AK4: variants seen among roughly 807,000 people sequenced by gnomAD.
AK4 encodes the protein adenylate kinase 4, mitochondrial.
A neutral mutation model predicts 24.6 loss-of-function variants in AK4; 13 were observed. The ratio of observed to expected loss-of-function variants is 0.53; its 90% CI spans 0.34 to 0.84. The LOEUF is 0.84. AK4 is among the 40% of genes least tolerant of loss of function. The probability of loss-of-function intolerance (pLI) is 0.01; values close to 1 mark genes in which losing one functional copy is unlikely to be tolerated. For synonymous variants in AK4, 88 were observed against 107.0 expected, an observed-to-expected ratio of 0.82 and a Z score of 1.10; for missense variants, 192 against 288.2, an observed-to-expected ratio of 0.67 and a Z score of 2.42.
chr1:65,186,415 C>T (rs1275645693), intron 1 of AK4, among the ~76,000 whole-genome samples: 3 of 152,196 alleles, frequency 2.0e-5, no homozygotes, highest in Non-Finnish European at 2.9e-5. Flanking sequence ...AGGCACGAAC[C>T]ATCAGCCTGG....
chr1:65,187,081 C>T (rs1260169685), intron 1 of AK4, among the ~76,000 whole-genome samples: 6 of 152,134 alleles, frequency 3.9e-5, no homozygotes, highest in Middle Eastern at 3.4e-3. Context: ...CCAGGGAGGC[C>T]GGGCGCGGTG....
intron 1 of AK4, 138 bp from the exon 2 acceptor site, chr1:65,190,572 A>G (rs1018895623): frequency 2.0e-6 from 2 of 976,788 alleles, no homozygotes; most frequent in Admixed American, 6.0e-5. Flanking sequence ...TATTTTAAAA[A>G]CTTAAAACAT....
At chr1:65,184,596 G>T in intron 1 of AK4, among the ~76,000 whole-genome samples, 1 of 152,190 alleles carries the variant, frequency 6.6e-6, no homozygotes, top group East Asian at 1.9e-4. Flanking sequence ...ATGTATGTGT[G>T]TCCACAGCCT....
Position 65,230,695 on chromosome 1 carries a change from C to T in AK4, c.*4518C>T, listed in dbSNP as rs1393369944. The T allele has an allele frequency of 6.6e-6, 1 of 152,114 alleles. No individual in the cohort carries two copies. Among genetic ancestry groups the T allele is most frequent in the Non-Finnish European group, 1.5e-5 (1 of 68,042 alleles). The allele number at this position is 152,114 out of a possible 1,614,324, so 9.4% of individuals were successfully genotyped here. On this transcript the variant is annotated 3_prime_UTR_variant, in exon 5 of 5. Transcript: ENST00000327299. ...TAATACCTTTCCCTAGTTTGAGCTC[C>T]CTGTTCTCTTTAACAGATAAAACAA...
chr1:65,230,255 G>A lies in AK4; in HGVS notation c.*4078G>A, dbSNP rs1652600892. The A allele has an allele frequency of 1.3e-5, 2 of 152,162 alleles. No individual in the cohort carries two copies. Among genetic ancestry groups the A allele is most frequent in the African/African-American group, 2.4e-5 (1 of 41,414 alleles). The allele number at this position is 152,162 out of a possible 1,614,324, so 9.4% of individuals were successfully genotyped here. On this transcript the variant is annotated 3_prime_UTR_variant, in exon 5 of 5. Coordinates refer to ENST00000327299, the MANE Select transcript of AK4 (RefSeq NM_013410.4). ...GGTAAGAATAGCCATCAGTGAGGAAGGATTCTTGGAGCGAGGAGCCACTGT... is the reference window on the plus strand; with the variant it reads ...GGTAAGAATAGCCATCAGTGAGGAAAGATTCTTGGAGCGAGGAGCCACTGT...
At chr1:65,151,581 C>T (rs142553013) in intron 1 of AK4, among the ~76,000 whole-genome samples, 1 of 152,264 alleles carries the variant, frequency 6.6e-6, no homozygotes, top group Non-Finnish European at 1.5e-5. Flanking sequence ...TACCATTGTA[C>T]AATTTCCACT....
intron 2 of AK4, among the ~76,000 whole-genome samples, chr1:65,207,499 A>G (rs1281868524): frequency 2.0e-5 from 3 of 150,354 alleles, no homozygotes; most frequent in Non-Finnish European, 4.4e-5. Context: ...GGGCTCACAG[A>G]GTGGTAGGAG....
chr1:65,225,505 G>C (rs1339399247), intron 4 of AK4, among the ~76,000 whole-genome samples: 3 of 152,088 alleles, frequency 2.0e-5, no homozygotes, highest in African/African-American at 7.2e-5. Context: ...TGTGTGTGAG[G>C]GGGAATCTCA....
chr1:65,197,165 A>C (rs1651497813), intron 2 of AK4, among the ~76,000 whole-genome samples: 2 of 152,220 alleles, frequency 1.3e-5, no homozygotes, highest in Non-Finnish European at 2.9e-5. Flanking sequence ...AAACCACATC[A>C]GGCCAGCAGT....
At chr1:65,193,091 A>G (rs990987443) in intron 2 of AK4, among the ~76,000 whole-genome samples, 12 of 152,210 alleles carry the variant, frequency 7.9e-5, no homozygotes, top group Admixed American at 3.3e-4. Flanking sequence ...TTGACCCTAC[A>G]GTTCCACTGG....
intron 2 of AK4, among the ~76,000 whole-genome samples, chr1:65,217,866 C>A (rs998786292): frequency 2.6e-5 from 4 of 152,118 alleles, no homozygotes; most frequent in African/African-American, 7.2e-5. Context: ...AAAACAATTT[C>A]AAATTTTTTC....
intron 1 of AK4, among the ~76,000 whole-genome samples, chr1:65,185,662 C>T (rs1159634039): frequency 7.1e-6 from 1 of 140,436 alleles, no homozygotes; most frequent in Non-Finnish European, 1.5e-5. Context: ...CTTGCTCTGT[C>T]ACCTAGGCTG....
chr1:65,164,030 G>A (rs563917694), intron 1 of AK4, among the ~76,000 whole-genome samples: 2 of 152,260 alleles, frequency 1.3e-5, no homozygotes, highest in South Asian at 2.1e-4. Context: ...GTTATCCCCA[G>A]GAGCAATTTG....
chr1:65,224,082 A>T (rs1652380266), intron 3 of AK4, among the ~76,000 whole-genome samples: 1 of 152,214 alleles, frequency 6.6e-6, no homozygotes, highest in Non-Finnish European at 1.5e-5. Flanking sequence ...AAGAAGCAAC[A>T]CATAGGAAAA....
intron 2 of AK4, among the ~76,000 whole-genome samples, chr1:65,206,410 G>A (rs1477969944): frequency 6.6e-6 from 1 of 152,184 alleles, no homozygotes. Context: ...AGATACAGTG[G>A]GACCGGTTTT....
intron 1 of AK4, 80 bp from the exon 2 acceptor site, chr1:65,190,630 G>T: frequency 6.6e-7 from 1 of 1,512,034 alleles, no homozygotes; most frequent in Middle Eastern, 2.4e-4. Flanking sequence ...AGGATGGAGA[G>T]AAGGCAAAAC....
chr1:65,193,541 G>A (rs1159478996), intron 2 of AK4, among the ~76,000 whole-genome samples: 1 of 152,146 alleles, frequency 6.6e-6, no homozygotes, highest in African/African-American at 2.4e-5. Flanking sequence ...GCCATGCCGA[G>A]AATTTTCCAA....
chr1:65,191,272 C>T (rs150736092), intron 2 of AK4, among the ~76,000 whole-genome samples: 1 of 152,254 alleles, frequency 6.6e-6, no homozygotes, highest in Non-Finnish European at 1.5e-5. Flanking sequence ...AAATGAGCAA[C>T]CTTTGTAGAG....
chr1:65,206,569 G>A (rs879564882), intron 2 of AK4, among the ~76,000 whole-genome samples: 12 of 152,210 alleles, frequency 7.9e-5, no homozygotes, highest in Admixed American at 5.2e-4. Context: ...CCCCATCTGC[G>A]TGTGCGTGTG....
Sources: gnomAD v4.1 joint callset for allele counts (sites outside exome capture counted in the v4.1 genomes callset) on GRCh38, gnomAD v4.1.1 for gene constraint, MANE v1.5 for transcripts, NCBI Gene and HGNC (gene_info 2026-07-23, HGNC 2026-07-21) for gene names.